Variants in TNPO1 observed in about 807,000 individuals in gnomAD.
TNPO1 encodes the protein transportin 1, also known as transportin-1.
In TNPO1, 8 loss-of-function variants were observed where a neutral mutation model predicts 119.5. That is an observed-to-expected ratio of 0.07 (90% CI 0.04 to 0.12). The LOEUF is 0.12. TNPO1 is among the 10% of genes least tolerant of loss of function. TNPO1 has a pLI of 1.00. For missense variants in TNPO1, 576 were observed against 1,089.8 expected (o/e 0.53, Z 6.64); for synonymous variants, 362 against 363.0 (o/e 1.00, Z 0.03).
At chr5:72,833,673 T>C (rs968475457) in intron 1 of TNPO1, among the ~76,000 whole-genome samples, 1 of 152,214 alleles carries the variant, frequency 6.6e-6, no homozygotes, top group African/African-American at 2.4e-5. Flanking sequence ...CTGAACACTT[T>C]CTTAATGTGT....
intron 7 of TNPO1, among the ~76,000 whole-genome samples, chr5:72,875,258 A>G (rs566616370): frequency 3.5e-4 from 54 of 152,298 alleles, no homozygotes; most frequent in African/African-American, 1.1e-3. Flanking sequence ...TCTTGAATCT[A>G]TTACCACCTC....
Position 72,828,782 on chromosome 5 carries a change from C to T in TNPO1, c.15+12030C>T, listed in dbSNP as rs575716783. Among the ~76,000 whole-genome samples, 18 of 151,742 alleles carry T rather than the reference C, an allele frequency of 1.2e-4. 1 individual carries two copies. Among genetic ancestry groups the T allele is most frequent in the Non-Finnish European group, 2.2e-4 (15 of 67,914 alleles). On this transcript the variant is annotated intron_variant, in intron 1 of 24. Transcript: ENST00000337273. ...AGGATTTTATGCTATATTTAGTTGTCATGTCTTTTTAGATGGAGAGGTATT... is the reference window on the plus strand; with the variant it reads ...AGGATTTTATGCTATATTTAGTTGTTATGTCTTTTTAGATGGAGAGGTATT...
intron 20 of TNPO1, among the ~76,000 whole-genome samples, chr5:72,898,785 G>T (rs1406263820): frequency 1.3e-5 from 2 of 152,062 alleles, no homozygotes; most frequent in African/African-American, 4.8e-5. Flanking sequence ...TGTGTCTTTT[G>T]AACATAGGTT....
chr5:72,863,794 A>G (rs1294118727), intron 5 of TNPO1, among the ~76,000 whole-genome samples: 1 of 152,130 alleles, frequency 6.6e-6, no homozygotes, highest in African/African-American at 2.4e-5. Context: ...CAGATTACAG[A>G]AAAGCTAAAT....
intron 5 of TNPO1, among the ~76,000 whole-genome samples, chr5:72,862,995 TG>T (rs869062104): frequency 5.1e-4 from 16 of 31,312 alleles, no homozygotes; most frequent in South Asian, 9.3e-4. Context: ...TGGGTTTTTG[TG>T]TGTGTGTGTG....
intron 8 of TNPO1, 91 bp downstream of exon 8, chr5:72,875,828 T>G (rs1199012773): frequency 7.3e-7 from 1 of 1,373,012 alleles, no homozygotes; most frequent in African/African-American, 1.4e-5. Context: ...GGAAGGGGAC[T>G]ATAAAATAGT....
Position 72,872,620 on chromosome 5 carries a change from T to C in TNPO1, c.597-19T>C. ...AAAGTTACAATGAGCATATGTTAAA[T>C]TTTAAACTTTGTTTCTAGGTCTCAC... On this transcript the variant is annotated intron_variant, in intron 6 of 24. Transcript: ENST00000337273. 1 of 1,577,050 alleles carries C rather than the reference T, an allele frequency of 6.3e-7. No individual in the cohort carries two copies. Among genetic ancestry groups the C allele is most frequent in the Non-Finnish European group, 8.6e-7 (1 of 1,156,686 alleles).
Position 72,887,089 on chromosome 5 carries a change from C to G in TNPO1, c.1170C>G (p.Ala390=). ...CCTTAGGAAAATGTTCTGCTGCTGC[C>G]CTGGATGTTCTTGCAAATGTGTATC... ...DWNLRKCSAA[A]LDVLANVYRD... is the part of the protein sequence containing the mutation. The change falls in exon 12 of 25, where the codon GCC becomes GCG. Residue 390 remains alanine (A), a synonymous_variant. Coordinates refer to ENST00000337273, the MANE Select transcript of TNPO1 (RefSeq NM_002270.4). 2 of 1,607,508 alleles carry G rather than the reference C, an allele frequency of 1.2e-6. No individual in the cohort carries two copies.
Position 72,816,701 on chromosome 5 carries a change from G to C in TNPO1, c.-37G>C, listed in dbSNP as rs1371006790. ...CAGGCCCCGGACAGGAGGCAGTGCC[G>C]CTTCGGCCGAAGGCCCGAGCGCCCG... On this transcript the variant is annotated 5_prime_UTR_variant, in exon 1 of 25. Transcript: ENST00000337273. 2 of 1,557,020 alleles carry C rather than the reference G, an allele frequency of 1.3e-6. No individual in the cohort carries two copies. Among genetic ancestry groups the C allele is most frequent in the African/African-American group, 2.8e-5 (2 of 71,292 alleles).
intron 1 of TNPO1, among the ~76,000 whole-genome samples, chr5:72,817,233 G>T (rs1422237126): frequency 2.6e-5 from 4 of 152,224 alleles, no homozygotes; most frequent in Admixed American, 1.3e-4. Flanking sequence ...TCCGCACACA[G>T]CGCCCATCGT....
intron 20 of TNPO1, among the ~76,000 whole-genome samples, chr5:72,898,688 A>C (rs1257616124): frequency 6.6e-6 from 1 of 152,136 alleles, no homozygotes; most frequent in Non-Finnish European, 1.5e-5. Flanking sequence ...TCCTGCACTG[A>C]ACTTTTTCAA....
At chr5:72,839,727 A>T (rs1744830183) in intron 1 of TNPO1, among the ~76,000 whole-genome samples, 1 of 152,244 alleles carries the variant, frequency 6.6e-6, no homozygotes, top group Non-Finnish European at 1.5e-5. Flanking sequence ...TAGAGTAAGA[A>T]ATAATGGAAA....
intron 1 of TNPO1, among the ~76,000 whole-genome samples, chr5:72,819,614 G>A (rs954093317): frequency 6.6e-6 from 1 of 152,148 alleles, no homozygotes; most frequent in Non-Finnish European, 1.5e-5. Context: ...ATGCCAGAGC[G>A]AATATTACAA....
chr5:72,894,858 TATC>T lies in TNPO1; in HGVS notation c.2143+1158_2143+1160del, dbSNP rs145899582. 2.9e-3 allele frequency among the ~76,000 whole-genome samples: 447 copies of T among 152,296 alleles called. 2 individuals are homozygous for T. The highest frequency in any genetic ancestry group is 0.01 in the African/African-American group (427 of 41,558). ...GTGTAATGAATTCTTATGGGAAGCTTATCATTCTCATATTTACCACCTAATTTA... is the reference window on the plus strand; with the variant it reads ...GTGTAATGAATTCTTATGGGAAGCTTATTCTCATATTTACCACCTAATTTA... On this transcript the variant is annotated intron_variant, in intron 18 of 24. Coordinates refer to ENST00000337273, the MANE Select transcript of TNPO1 (RefSeq NM_002270.4).
chr5:72,893,481 T>G lies in TNPO1; in HGVS notation c.2001T>G (p.Ile667Met). 6.2e-7 allele frequency: 1 copy of G among 1,614,218 alleles called. No homozygotes were observed. The highest frequency in any genetic ancestry group is 8.5e-7 in the Non-Finnish European group (1 of 1,180,032). ...TGGCTGAAGGACTTGGAGGCAACAT[T>G]GAACAGCTGGTAGCCCGAAGTAACA... ...SGLAEGLGGN[I>M]EQLVARSNIL... The change falls in exon 17 of 25, where the codon ATT (isoleucine) becomes ATG (methionine). Residue 667 changes from isoleucine (I) to methionine (M), a missense_variant. By Grantham distance (10) the Ile-to-Met change is conservative (BLOSUM62 1). Around this residue, in one of 6 missense-constraint regions of TNPO1, gnomAD observed 162 missense variants for 294.1 expected, o/e 0.55. Transcript: ENST00000337273.
intron 5 of TNPO1, among the ~76,000 whole-genome samples, chr5:72,865,027 A>G (rs1746775019): frequency 6.6e-6 from 1 of 152,250 alleles, no homozygotes; most frequent in Admixed American, 6.5e-5. Context: ...ACAAACTGAT[A>G]TTTAATTCCT....
At chr5:72,861,175 T>A (rs1411912692) in intron 4 of TNPO1, among the ~76,000 whole-genome samples, 1 of 152,162 alleles carries the variant, frequency 6.6e-6, no homozygotes, top group Admixed American at 6.5e-5. Flanking sequence ...CCTCCCAAAG[T>A]GCTGGGATTA....
Position 72,893,223 on chromosome 5 carries a change from C to T in TNPO1, c.1873C>T (p.Gln625Ter). 1 of 1,613,990 alleles carries T rather than the reference C, an allele frequency of 6.2e-7. No homozygotes were observed. The highest frequency in any genetic ancestry group is 8.5e-7 in the Non-Finnish European group (1 of 1,179,974). ...PVYQRCVNLV[Q>*]KTLAQAMLNN... ...GTATCAGCGTTGTGTAAACCTAGTACAGAAGACTCTTGCACAAGCCATGGT... is the reference window on the plus strand; with the variant it reads ...GTATCAGCGTTGTGTAAACCTAGTATAGAAGACTCTTGCACAAGCCATGGT... Residue 625 changes from glutamine to a stop codon, truncating the protein, a stop_gained, in exon 16 of 25, where the codon CAG becomes TAG. Transcript: ENST00000337273. LOFTEE classifies it high-confidence loss of function.
intron 6 of TNPO1, among the ~76,000 whole-genome samples, chr5:72,871,006 A>T (rs935390628): frequency 4.6e-5 from 7 of 152,058 alleles, no homozygotes; most frequent in African/African-American, 1.7e-4. Flanking sequence ...GTCTCTCTCC[A>T]TCGCCCAGGC....
Sources: gnomAD v4.1 joint callset for allele counts (sites outside exome capture counted in the v4.1 genomes callset) on GRCh38, gnomAD v4.1.1 for gene constraint, gnomAD v4.1.1 regional missense constraint, MANE v1.5 for transcripts, NCBI Gene and HGNC (gene_info 2026-07-23, HGNC 2026-07-21) for gene names.